Variants in EFCAB13 observed in about 807,000 individuals in gnomAD.
EFCAB13 encodes the protein EF-hand calcium binding domain 13.
A neutral mutation model predicts 110.2 loss-of-function variants in EFCAB13; 91 were observed. The observed-to-expected ratio is 0.83, with a 90% confidence interval of 0.70 to 0.98. The LOEUF (loss-of-function observed/expected upper bound fraction) is 0.98. Among genes scored for constraint, EFCAB13 ranks in the 50% least tolerant of loss-of-function variants. The pLI is 0.00. For missense variants in EFCAB13, 968 were observed against 1,119.4 expected, an observed-to-expected ratio of 0.86 and a Z score of 1.93; for synonymous variants, 323 against 369.9, an observed-to-expected ratio of 0.87 and a Z score of 1.45.
intron 19 of EFCAB13, 66 bp downstream of exon 19, chr17:47,404,087 A>G (rs955935494): frequency 1.7e-5 from 21 of 1,258,278 alleles, no homozygotes; most frequent in Admixed American, 7.2e-5. Context: ...TGCAAGGTCT[A>G]TAGGTATTTG....
intron 17 of EFCAB13, among the ~76,000 whole-genome samples, chr17:47,398,698 A>G (rs1385314978): frequency 6.6e-6 from 1 of 150,960 alleles, no homozygotes; most frequent in Non-Finnish European, 1.5e-5. Context: ...TCAAGTACCC[A>G]GGGACACAAA....
At chr17:47,368,130 T>C (rs1259398017) in intron 10 of EFCAB13, among the ~76,000 whole-genome samples, 1 of 152,206 alleles carries the variant, frequency 6.6e-6, no homozygotes, top group Non-Finnish European at 1.5e-5. Flanking sequence ...CAAGCACAAG[T>C]ACTTTGGTTT....
intron 14 of EFCAB13, among the ~76,000 whole-genome samples, chr17:47,385,723 C>T (rs757357795): frequency 6.6e-5 from 10 of 152,058 alleles, no homozygotes; most frequent in Non-Finnish European, 1.3e-4. Context: ...GGAGAAGAGG[C>T]ATTCTGGTTT....
intron 24 of EFCAB13, among the ~76,000 whole-genome samples, chr17:47,434,537 A>C (rs1814159010): frequency 6.6e-6 from 1 of 152,148 alleles, no homozygotes; most frequent in African/African-American, 2.4e-5. Flanking sequence ...CACAGAACTA[A>C]AAAAAGTCCT....
intron 14 of EFCAB13, among the ~76,000 whole-genome samples, chr17:47,384,871 G>A (rs977307114): frequency 6.6e-6 from 1 of 151,928 alleles, no homozygotes; most frequent in Non-Finnish European, 1.5e-5. Flanking sequence ...CTGGGTTCAC[G>A]CCATTCTCCT....
At chr17:47,375,574 GC>G (rs1386954797) in intron 12 of EFCAB13, among the ~76,000 whole-genome samples, 3 of 151,994 alleles carry the variant, frequency 2.0e-5, no homozygotes, top group Non-Finnish European at 4.4e-5. Context: ...GCGATTACAG[GC>G]ATGAGCCACC....
At chr17:47,430,313 T>C (rs1905088642) in intron 24 of EFCAB13, 2 of 704,720 alleles carry the variant, frequency 2.8e-6, no homozygotes, top group Non-Finnish European at 3.5e-6. Flanking sequence ...TATGATGATA[T>C]CCAGGGATAC....
intron 3 of EFCAB13, among the ~76,000 whole-genome samples, chr17:47,326,723 C>T (rs1320210226): frequency 2.0e-5 from 3 of 152,150 alleles, no homozygotes; most frequent in Non-Finnish European, 4.4e-5. Context: ...TGGAGAAGAT[C>T]TAGAAGAGAT....
Position 47,347,857 on chromosome 17 carries a change from T to C in EFCAB13, c.567T>C (p.Ile189=), listed in dbSNP as rs553472420. The change falls in exon 9 of 25, where the codon ATT becomes ATC. Residue 189 remains isoleucine (I), a synonymous_variant. Transcript: ENST00000331493. ...KIFSKIRSGK[I]YVNDLPVILC... is the part of the protein sequence containing the mutation. ...TTAGTAAAATTCGAAGTGGTAAGAT[T>C]TATGTGAATGATCTTCCAGTGATCC... The C allele has an allele frequency of 6.5e-7, 1 of 1,547,688 alleles. No homozygotes were observed. The highest frequency in any genetic ancestry group is 8.8e-7 in the Non-Finnish European group (1 of 1,136,666).
intron 9 of EFCAB13, among the ~76,000 whole-genome samples, chr17:47,358,769 T>C (rs1299113434): frequency 6.6e-6 from 1 of 152,180 alleles, no homozygotes; most frequent in Non-Finnish European, 1.5e-5. Flanking sequence ...TCATCATGAT[T>C]GTGGAGTACT....
At chr17:47,417,103 A>G (rs1056539093) in intron 23 of EFCAB13, among the ~76,000 whole-genome samples, 1 of 152,208 alleles carries the variant, frequency 6.6e-6, no homozygotes, top group African/African-American at 2.4e-5. Flanking sequence ...GTTTCTTACA[A>G]TAACACAGCT....
rs766793782 is a variant in EFCAB13, at chr17:47,374,964, T to G, written c.1370T>G (p.Leu457Arg). ...ACGGAAAAAACTGCAATTAGTACTCTGGGTAAGTAAAAATCTAGGTTCTTG... is the reference window on the plus strand; with the variant it reads ...ACGGAAAAAACTGCAATTAGTACTCGGGGTAAGTAAAAATCTAGGTTCTTG... ...SSTEKTAIST[L>R]ENFCEAISKL... Residue 457 changes from leucine to arginine, a missense_variant and splice_region_variant, in exon 12 of 25, where the codon CTG (leucine) becomes CGG (arginine). Coordinates refer to ENST00000331493, the MANE Select transcript of EFCAB13 (RefSeq NM_152347.5). 1.3e-6 allele frequency: 2 copies of G among 1,552,766 alleles called. No homozygotes were observed. The highest frequency in any genetic ancestry group is 4.5e-5 in the East Asian group (2 of 44,260).
intron 6 of EFCAB13, among the ~76,000 whole-genome samples, chr17:47,342,269 A>AT (rs1165421901): frequency 2.7e-5 from 4 of 150,906 alleles, no homozygotes; most frequent in Non-Finnish European, 4.4e-5. Flanking sequence ...TATTAAACTT[A>AT]TTTTTTGTCT....
At chr17:47,422,695 T>C (rs576136811) in intron 23 of EFCAB13, among the ~76,000 whole-genome samples, 1 of 152,316 alleles carries the variant, frequency 6.6e-6, no homozygotes, top group Admixed American at 6.5e-5. Flanking sequence ...GAAACAAGTT[T>C]ATAATTTTTA....
chr17:47,368,020 G>T (rs1264472873), intron 10 of EFCAB13, among the ~76,000 whole-genome samples: 2 of 152,260 alleles, frequency 1.3e-5, no homozygotes, highest in East Asian at 3.9e-4. Flanking sequence ...AGCATATCCT[G>T]AAGCTACAAC....
In EFCAB13 at chr17:47,429,930, T is replaced by C; in HGVS notation, c.2607T>C (p.Leu869=). 1 of 1,609,590 alleles carries C rather than the reference T, an allele frequency of 6.2e-7. No homozygotes were observed. Among genetic ancestry groups the C allele is most frequent in the Middle Eastern group, 1.7e-4 (1 of 6,042 alleles). ...ACCTTCATACAGCTAATGCTATACT[T>C]ACTGTAATGTTAAGACATGTACCTG... ...DKDLHTANAI[L]TVMLRHVPEH... The change falls in exon 24 of 25, where the codon CTT becomes CTC. Residue 869 remains leucine (L), a synonymous_variant. Transcript: ENST00000331493.
At chr17:47,337,610 A>T (rs1359034987) in intron 5 of EFCAB13, among the ~76,000 whole-genome samples, 1 of 152,192 alleles carries the variant, frequency 6.6e-6, no homozygotes, top group African/African-American at 2.4e-5. Context: ...TGTTTACCTA[A>T]ATAAGGAAAC....
chr17:47,437,123 A>C (rs969162977), intron 24 of EFCAB13, among the ~76,000 whole-genome samples: 11 of 151,884 alleles, frequency 7.2e-5, no homozygotes, highest in Non-Finnish European at 1.5e-4. Context: ...GGCCAGAGAG[A>C]GTGCTTGATA....
chr17:47,426,075 C>G (rs1904946442), intron 23 of EFCAB13, among the ~76,000 whole-genome samples: 1 of 152,090 alleles, frequency 6.6e-6, no homozygotes, highest in South Asian at 2.1e-4. Flanking sequence ...TCAGTGTACC[C>G]ATGATGGAAG....
Sources: allele counts gnomAD v4.1 joint callset (sites outside exome capture counted in the v4.1 genomes callset), GRCh38; gene constraint gnomAD v4.1.1; transcripts MANE v1.5; gene names NCBI Gene and HGNC (gene_info 2026-07-23, HGNC 2026-07-21).